Variants in MLYCD observed in about 807,000 individuals in gnomAD.
MLYCD encodes the protein malonyl-CoA decarboxylase, mitochondrial.
In MLYCD, 27 loss-of-function variants were observed where a neutral mutation model predicts 35.8. The ratio of observed to expected loss-of-function variants is 0.75; its 90% CI spans 0.56 to 1.04. The LOEUF is 1.04. Among genes scored for constraint, MLYCD ranks in the 50% least tolerant of loss-of-function variants. MLYCD has a pLI of 0.00. For synonymous variants in MLYCD, 403 were observed against 302.4 expected (o/e 1.33, Z -3.45); for missense variants, 917 against 665.1 (o/e 1.38, Z -4.17).
In MLYCD at chr16:83,918,536, CATG is replaced by C. The variant is rs1280436483; in HGVS notation, c.*3048_*3050del. ...AGAACACAGAGTGCACAGGAGAACA[CATG>C]GTGCACAGGAGAACACGCACACACG... On this transcript the variant is annotated 3_prime_UTR_variant, in exon 5 of 5. Coordinates refer to ENST00000262430, the MANE Select transcript of MLYCD (RefSeq NM_012213.3). 2 of 134,736 alleles carry C rather than the reference CATG, an allele frequency of 1.5e-5. No homozygotes were observed. The highest frequency in any genetic ancestry group is 3.1e-5 in the Non-Finnish European group (2 of 64,038). 8.3% of individuals were successfully genotyped at this position (134,736 alleles called of 1,614,324 possible).
At position 83,923,382 on chromosome 16, in the gene MLYCD, C is replaced by G. The variant is rs1314290698; in HGVS notation, c.*7893C>G. ...TTTGATCTACTCTTAGAAACAAAAG[C>G]TGCCCATGATTTCACCACAGAAAGT... On this transcript the variant is annotated 3_prime_UTR_variant, in exon 5 of 5. Coordinates refer to ENST00000262430, the MANE Select transcript of MLYCD (RefSeq NM_012213.3). The G allele has an allele frequency of 6.6e-6, 1 of 152,258 alleles. No individual in the cohort carries two copies. The highest frequency in any genetic ancestry group is 1.5e-5 in the Non-Finnish European group (1 of 68,044). The allele number at this position is 152,258 out of a possible 1,614,324, so 9.4% of individuals were successfully genotyped here.
rs376504760 is a variant in MLYCD, at chr16:83,915,104, T to A, written c.1097T>A (p.Ile366Asn). The A allele has an allele frequency of 1.1e-4, 177 of 1,614,132 alleles. No individual in the cohort carries two copies. Among genetic ancestry groups the A allele is most frequent in the Non-Finnish European group, 1.4e-4 (165 of 1,180,058 alleles). The change falls in exon 5 of 5, where the codon ATC becomes AAC. Residue 366 changes from isoleucine to asparagine, a missense_variant. Ile to Asn is a moderately radical substitution (Grantham distance 149, BLOSUM62 -3). Coordinates refer to ENST00000262430, the MANE Select transcript of MLYCD (RefSeq NM_012213.3). Reference sequence around the variant, plus strand: ...TCGGAATGTAAGGAAATCTCGGAGATCACAGGTGGCCCCATTAACGAGACC... The same window carrying A: ...TCGGAATGTAAGGAAATCTCGGAGAACACAGGTGGCCCCATTAACGAGACC... ...TDSECKEISEITGGPINETLK... is the reference protein window; with the variant it reads ...TDSECKEISENTGGPINETLK...
Position 83,912,347 on chromosome 16 carries a change from C to T in MLYCD, c.928C>T (p.Arg310Ter), listed in dbSNP as rs759043861. ...GGAGCTGGGAACATTCCTCATAAAG[C>T]GAGTCGTCAAGGAGTTGCAGGTAAG... ...GVELGTFLIK[R>*]VVKELQREFP... The change falls in exon 4 of 5, where the codon CGA (arginine) becomes TGA (stop). Residue 310 changes from arginine to a stop codon, truncating the protein, a stop_gained. Transcript: ENST00000262430. LOFTEE classifies it high-confidence loss of function. 4 of 1,614,036 alleles carry T rather than the reference C, an allele frequency of 2.5e-6. No homozygotes were observed. The highest frequency in any genetic ancestry group is 2.2e-5 in the East Asian group (1 of 44,878).
In MLYCD at chr16:83,908,176, T is replaced by C; in HGVS notation, c.692T>C (p.Val231Ala). 6.2e-7 allele frequency: 1 copy of C among 1,614,250 alleles called. No homozygotes were observed. The highest frequency in any genetic ancestry group is 8.5e-7 in the Non-Finnish European group (1 of 1,180,048). Residue 231 changes from valine to alanine, a missense_variant, in exon 3 of 5, where the codon GTT (valine) becomes GCT (alanine). By Grantham distance (64) the Val-to-Ala change is moderately conservative. Transcript: ENST00000262430. ...VKNWMDMKRR[V>A]GPYRRCYFFS... ...AACTGGATGGACATGAAGCGCCGCGTTGGGCCCTACAGAAGGTGTTACTTC... is the reference window on the plus strand; with the variant it reads ...AACTGGATGGACATGAAGCGCCGCGCTGGGCCCTACAGAAGGTGTTACTTC...
Position 83,907,092 on chromosome 16 carries a change from A to G in MLYCD, c.634A>G (p.Ile212Val), listed in dbSNP as rs1046772240. 1.2e-6 allele frequency: 2 copies of G among 1,611,096 alleles called. No individual in the cohort carries two copies. Among genetic ancestry groups the G allele is most frequent in the Non-Finnish European group, 1.7e-6 (2 of 1,177,196 alleles). ...TTCACCGTGTGAAGTGCTTCAGAAA[A>G]TCAGTGAGTAAGTATTACGGTTTTC... The part of the protein sequence containing the change: ...WHSPCEVLQK[I>V]SEAEAVHPVK... Residue 212 changes from isoleucine (I) to valine (V), a missense_variant, in exon 2 of 5, where the codon ATC becomes GTC. Coordinates refer to ENST00000262430, the MANE Select transcript of MLYCD (RefSeq NM_012213.3).
At chr16:83,907,526 G>A (rs1285886051) in intron 2 of MLYCD, among the ~76,000 whole-genome samples, 1 of 152,080 alleles carries the variant, frequency 6.6e-6, no homozygotes, top group African/African-American at 2.4e-5. Context: ...TATATCATGT[G>A]TTAGTTACAT....
intron 1 of MLYCD, among the ~76,000 whole-genome samples, chr16:83,905,645 A>T (rs762443321): frequency 6.6e-6 from 1 of 152,200 alleles, no homozygotes; most frequent in Non-Finnish European, 1.5e-5. Flanking sequence ...AAAGAAAAAG[A>T]TGGGCCAAGG....
intron 1 of MLYCD, among the ~76,000 whole-genome samples, chr16:83,906,040 A>G (rs184341221): frequency 2.0e-5 from 3 of 152,320 alleles, no homozygotes; most frequent in Admixed American, 6.5e-5. Flanking sequence ...TCTGAAATGC[A>G]TTGGTTGCCA....
chr16:83,918,739 CAG>C lies in MLYCD; in HGVS notation c.*3251_*3252del, dbSNP rs1680140064. The C allele has an allele frequency of 6.8e-6, 1 of 147,000 alleles. No homozygotes were observed. The highest frequency in any genetic ancestry group is 2.5e-5 in the African/African-American group (1 of 39,266). 9.1% of individuals were successfully genotyped at this position (147,000 alleles called of 1,614,324 possible). A position where few individuals can be genotyped will look rare whatever the true frequency, so the allele number is the denominator to read the frequency against. On this transcript the variant is annotated 3_prime_UTR_variant, in exon 5 of 5. Transcript: ENST00000262430. ...AAACGCACACACAGTGCACAGAACA[CAG>C]TGCACAGGAGAACACGCACACAGTG... is the stretch of plus-strand genomic sequence containing the variant.
chr16:83,923,800 C>G lies in MLYCD; in HGVS notation c.*8311C>G, dbSNP rs1340294637. 2 of 152,404 alleles carry G rather than the reference C, an allele frequency of 1.3e-5. No homozygotes were observed. Among genetic ancestry groups the G allele is most frequent in the African/African-American group, 4.8e-5 (2 of 41,454 alleles). The allele number at this position is 152,404 out of a possible 1,614,324, so 9.4% of individuals were successfully genotyped here. A position where few individuals can be genotyped will look rare whatever the true frequency, so the allele number is the denominator to read the frequency against. On this transcript the variant is annotated 3_prime_UTR_variant, in exon 5 of 5. Coordinates refer to ENST00000262430, the MANE Select transcript of MLYCD (RefSeq NM_012213.3). ...ACCTCCTGACCGTACGTGGGGAGAC[C>G]CACGCAAAGGCCCAGAGAGGAGAAG...
chr16:83,910,913 A>C (rs1230693635), intron 3 of MLYCD, among the ~76,000 whole-genome samples: 1 of 152,162 alleles, frequency 6.6e-6, no homozygotes, highest in East Asian at 1.9e-4. Context: ...TGGAGGGAAA[A>C]ATGCTGAGGA....
chr16:83,906,340 G>T (rs1010609572), intron 1 of MLYCD, among the ~76,000 whole-genome samples: 2 of 152,134 alleles, frequency 1.3e-5, no homozygotes, highest in Non-Finnish European at 2.9e-5. Context: ...GCAGCGAGCC[G>T]TGTTCATGCT....
chr16:83,914,902 C>T, intron 4 of MLYCD, 54 bp from the exon 5 acceptor site: 1 of 1,612,908 alleles, frequency 6.2e-7, no homozygotes, highest in Non-Finnish European at 8.5e-7. Context: ...GGTAACGTAC[C>T]TGCTGAATTT....
chr16:83,906,525 CTT>C (rs1437159801), intron 1 of MLYCD, among the ~76,000 whole-genome samples: 3 of 152,112 alleles, frequency 2.0e-5, no homozygotes, highest in Non-Finnish European at 2.9e-5. Flanking sequence ...AAGTACTTGT[CTT>C]TCTTAGGAAA....
At chr16:83,911,032 A>G (rs1263137202) in intron 3 of MLYCD, among the ~76,000 whole-genome samples, 1 of 152,084 alleles carries the variant, frequency 6.6e-6, no homozygotes, top group Non-Finnish European at 1.5e-5. Flanking sequence ...GCTGGAGTGC[A>G]GTGGCATGAT....
At chr16:83,910,464 C>T (rs1355003817) in intron 3 of MLYCD, among the ~76,000 whole-genome samples, 4 of 151,972 alleles carry the variant, frequency 2.6e-5, no homozygotes, top group African/African-American at 9.7e-5. Flanking sequence ...AGGAGGCAGC[C>T]GGATCACCTG....
intron 1 of MLYCD, among the ~76,000 whole-genome samples, chr16:83,903,244 CT>C (rs1420916367): frequency 1.3e-5 from 2 of 152,202 alleles, no homozygotes; most frequent in Non-Finnish European, 2.9e-5. Flanking sequence ...CTGGTTCCCA[CT>C]GCCACAGCCA....
rs1567634040 is a variant in MLYCD at position 83,908,193 on chromosome 16, T to C, written c.709T>C (p.Cys237Arg). The C allele has an allele frequency of 6.2e-7, 1 of 1,614,160 alleles. No individual in the cohort carries two copies. The highest frequency in any genetic ancestry group is 1.1e-5 in the South Asian group (1 of 91,082). The stretch of plus-strand genomic sequence containing the variant: ...GCGCCGCGTTGGGCCCTACAGAAGG[T>C]GTTACTTCTTTTCTCACTGTTCGAC... ...MKRRVGPYRR[C>R]YFFSHCSTPG... The change falls in exon 3 of 5, where the codon TGT becomes CGT. Residue 237 changes from cysteine to arginine, a missense_variant. Coordinates refer to ENST00000262430, the MANE Select transcript of MLYCD (RefSeq NM_012213.3).
rs1127368 is a variant in MLYCD, at chr16:83,915,471, A to G, written c.1464A>G (p.Gln488=). ...TCCTCAGCCTAGTGGCCCAGTTTCA[A>G]AAGAACAGCAAGCTCTGACAGTAAA... ...EQVLSLVAQF[Q]KNSKL The change falls in exon 5 of 5, where the codon CAA becomes CAG. Residue 488 remains glutamine, a synonymous_variant. Transcript: ENST00000262430. 3,307 of 1,612,274 alleles carry G rather than the reference A, an allele frequency of 2.1e-3. 39 individuals are homozygous for G. In the African/African-American group the frequency reaches 0.028, roughly 14 times the overall value.
Sources: gnomAD v4.1 joint callset for allele counts (sites outside exome capture counted in the v4.1 genomes callset) on GRCh38, gnomAD v4.1.1 for gene constraint, MANE v1.5 for transcripts, NCBI Gene and HGNC (gene_info 2026-07-23, HGNC 2026-07-21) for gene names.